OPRD1: variants seen among roughly 807,000 people sequenced by gnomAD.
The protein encoded by OPRD1 is opioid receptor delta 1, also known as delta-type opioid receptor.
A neutral mutation model predicts 17.5 loss-of-function variants in OPRD1; 19 were observed. The observed-to-expected ratio is 1.09, with a 90% CI of 0.76 to 1.60. The LOEUF is 1.60. OPRD1 is among the 40% of genes most tolerant of loss of function. The probability of loss-of-function intolerance (pLI) is 0.00; values close to 1 mark genes in which losing one functional copy is unlikely to be tolerated. For synonymous variants in OPRD1, 256 were observed against 240.9 expected (o/e 1.06, Z -0.58); for missense variants, 483 against 547.2 (o/e 0.88, Z 1.17).
chr1:28,862,876 C>CTGCGCCTGCGCAGTG lies in OPRD1; in HGVS notation c.722_736dup (p.Arg241_Leu245dup). The stretch of plus-strand genomic sequence containing the variant: ...CACCGTGTGCTATGGCCTCATGCTG[C>CTGCGCCTGCGCAGTG]TGCGCCTGCGCAGTGTGCGCCTGCT... On this transcript the variant is annotated inframe_insertion, in exon 3 of 3. Coordinates refer to ENST00000234961, the MANE Select transcript of OPRD1 (RefSeq NM_000911.4). The CTGCGCCTGCGCAGTG allele has an allele frequency of 9.3e-6, 15 of 1,612,564 alleles. No homozygotes were observed. The highest frequency in any genetic ancestry group is 1.1e-5 in the Non-Finnish European group (13 of 1,180,032).
chr1:28,812,937 G>T (rs1195095831), intron 1 of OPRD1, among the ~76,000 whole-genome samples: 3 of 152,218 alleles, frequency 2.0e-5, no homozygotes, highest in Admixed American at 2.0e-4. Flanking sequence ...TGAGTGGATG[G>T]TTGTGACAGT....
chr1:28,868,563 T>C lies in OPRD1; in HGVS notation c.*5280T>C. 1 of 152,388 alleles carries C rather than the reference T, an allele frequency of 6.6e-6. No individual in the cohort carries two copies. The highest frequency in any genetic ancestry group is 1.5e-5 in the Non-Finnish European group (1 of 68,146). 9.4% of individuals were successfully genotyped at this position (152,388 alleles called of 1,614,324 possible). Reference sequence around the variant, plus strand: ...GGAATTAGAAATGCTCCTCAAGGGCTGGGTGCAGTGGCTCACGCCTGTAAT... The same window carrying C: ...GGAATTAGAAATGCTCCTCAAGGGCCGGGTGCAGTGGCTCACGCCTGTAAT... On this transcript the variant is annotated 3_prime_UTR_variant, in exon 3 of 3. Transcript: ENST00000234961.
intron 1 of OPRD1, among the ~76,000 whole-genome samples, chr1:28,846,858 C>CTTTCTTTCTTTCTTTCTTTCTTTCT (rs1557575989): frequency 1.3e-4 from 7 of 54,356 alleles, no homozygotes; most frequent in African/African-American, 3.5e-4. Context: ...TTCTTTCTTT[C>CTTTCTTTCTTTCTTTCTTTCTTTCT]TTTCTTTCTT....
intron 1 of OPRD1, among the ~76,000 whole-genome samples, chr1:28,855,028 T>C (rs1441089694): frequency 6.6e-6 from 1 of 152,094 alleles, no homozygotes; most frequent in African/African-American, 2.4e-5. Context: ...GTCTTCTGGC[T>C]TCAGGGAACT....
intron 1 of OPRD1, among the ~76,000 whole-genome samples, chr1:28,855,591 C>T (rs1357860109): frequency 6.6e-6 from 1 of 152,162 alleles, no homozygotes; most frequent in African/African-American, 2.4e-5. Flanking sequence ...GCCCGGGGCC[C>T]TACCTGGCGG....
chr1:28,870,851 C>G lies in OPRD1; in HGVS notation c.*7568C>G, dbSNP rs572833553. ...TAACGGGGCTCATCTAGAATCTCCT[C>G]TCGGAATGAGGAGACCGCAAATGTG... On this transcript the variant is annotated 3_prime_UTR_variant, in exon 3 of 3. Transcript: ENST00000234961. 1.3e-5 allele frequency: 2 copies of G among 152,374 alleles called. No individual in the cohort carries two copies. The highest frequency in any genetic ancestry group is 2.1e-4 in the South Asian group (1 of 4,828). 9.4% of individuals were successfully genotyped at this position (152,374 alleles called of 1,614,324 possible).
chr1:28,825,217 C>T (rs1356637123), intron 1 of OPRD1, among the ~76,000 whole-genome samples: 1 of 152,116 alleles, frequency 6.6e-6, no homozygotes, highest in Non-Finnish European at 1.5e-5. Flanking sequence ...ATGAGGAAAC[C>T]GAGACCTAGA....
At chr1:28,841,008 A>G (rs1045253492) in intron 1 of OPRD1, among the ~76,000 whole-genome samples, 1 of 152,250 alleles carries the variant, frequency 6.6e-6, no homozygotes, top group African/African-American at 2.4e-5. Context: ...AATGTTTATT[A>G]TCTGTTAAAA....
chr1:28,833,564 C>T (rs2088825184), intron 1 of OPRD1, among the ~76,000 whole-genome samples: 1 of 152,134 alleles, frequency 6.6e-6, no homozygotes, highest in African/African-American at 2.4e-5. Flanking sequence ...CAAGGATAAT[C>T]TCCTTAAAGT....
chr1:28,821,030 T>A (rs1298430054), intron 1 of OPRD1, among the ~76,000 whole-genome samples: 3 of 152,112 alleles, frequency 2.0e-5, no homozygotes, highest in Non-Finnish European at 4.4e-5. Context: ...AGAAAAGAGC[T>A]TTTTCATTTT....
chr1:28,835,565 G>A (rs1262368738), intron 1 of OPRD1, among the ~76,000 whole-genome samples: 2 of 152,226 alleles, frequency 1.3e-5, no homozygotes, highest in Admixed American at 6.5e-5. Flanking sequence ...TGCCCAGCTG[G>A]GCTTGTTTTG....
In OPRD1 at chr1:28,815,816, G is replaced by T. The variant is rs555439733; in HGVS notation, c.227+3206G>T. Among the ~76,000 whole-genome samples the T allele has an allele frequency of 4.6e-5, 7 of 152,326 alleles. 1 individual carries two copies. The highest frequency in any genetic ancestry group is 4.6e-4 in the Admixed American group (7 of 15,296). ...TCAGTCCTGAGCTTAGGCAGCATGTGGGGGGTGGGGAGCAGGTGTGCAAGG... is the reference window on the plus strand; with the variant it reads ...TCAGTCCTGAGCTTAGGCAGCATGTTGGGGGTGGGGAGCAGGTGTGCAAGG... On this transcript the variant is annotated intron_variant, in intron 1 of 2. Transcript: ENST00000234961.
intron 1 of OPRD1, among the ~76,000 whole-genome samples, chr1:28,858,238 C>T (rs1487375840): frequency 6.6e-6 from 1 of 151,358 alleles, no homozygotes. Context: ...CTCAGCCTCC[C>T]GAGTAGCTGG....
At chr1:28,855,737 A>G (rs2089051208) in intron 1 of OPRD1, among the ~76,000 whole-genome samples, 1 of 152,236 alleles carries the variant, frequency 6.6e-6, no homozygotes, top group Admixed American at 6.5e-5. Context: ...ACAGCCTCTA[A>G]TTGTTCTGCG....
chr1:28,825,924 G>T (rs1268374125), intron 1 of OPRD1, among the ~76,000 whole-genome samples: 1 of 152,142 alleles, frequency 6.6e-6, no homozygotes, highest in African/African-American at 2.4e-5. Flanking sequence ...TACATCATTG[G>T]GTTGTCCCCC....
chr1:28,841,370 G>A (rs756870467), intron 1 of OPRD1, among the ~76,000 whole-genome samples: 46 of 152,254 alleles, frequency 3.0e-4, no homozygotes, highest in Non-Finnish European at 6.0e-4. Context: ...CACAGGTGCA[G>A]GTGGCAAGGA....
In OPRD1 at chr1:28,863,050, G is replaced by A. The variant is rs765568858; in HGVS notation, c.886G>A (p.Val296Met). Residue 296 changes from valine (V) to methionine (M), a missense_variant, in exon 3 of 3, where the codon GTG (valine) becomes ATG (methionine). Transcript: ENST00000234961. ...LVDIDRRDPL[V>M]VAALHLCIAL... is the part of the protein sequence containing the mutation. ...GGACATCGACCGGCGCGACCCGCTG[G>A]TGGTGGCTGCGCTGCACCTGTGCAT... 5.6e-6 allele frequency: 9 copies of A among 1,606,288 alleles called. No individual in the cohort carries two copies. In the South Asian group the frequency reaches 8.9e-5, roughly 16 times the overall value.
At chr1:28,814,779 G>GATTC (rs2088660442) in intron 1 of OPRD1, among the ~76,000 whole-genome samples, 1 of 152,224 alleles carries the variant, frequency 6.6e-6, no homozygotes, top group Non-Finnish European at 1.5e-5. Flanking sequence ...TACGCAAGCA[G>GATTC]CTTAGTGGGC....
chr1:28,814,422 A>G (rs928643312), intron 1 of OPRD1, among the ~76,000 whole-genome samples: 8 of 152,228 alleles, frequency 5.3e-5, no homozygotes, highest in African/African-American at 1.9e-4. Context: ...GGGATTTTCT[A>G]GATCCTGTAG....
Sources: allele counts gnomAD v4.1 joint callset (sites outside exome capture counted in the v4.1 genomes callset), GRCh38; gene constraint gnomAD v4.1.1; transcripts MANE v1.5; gene names NCBI Gene and HGNC (gene_info 2026-07-23, HGNC 2026-07-21).